Variants in TRAPPC3 observed in about 807,000 individuals in gnomAD.
TRAPPC3 encodes the protein trafficking protein particle complex 3.
In TRAPPC3, 5 loss-of-function variants were observed where a neutral mutation model predicts 18.2. The ratio of observed to expected loss-of-function variants is 0.28; its 90% CI spans 0.14 to 0.58. The LOEUF is 0.58. Ranked by LOEUF, TRAPPC3 falls within the 20% of genes least tolerant of loss-of-function variation. The pLI is 0.91. For missense variants in TRAPPC3, 176 were observed against 225.9 expected (o/e 0.78, Z 1.41); for synonymous variants, 65 against 84.2 (o/e 0.77, Z 1.25).
At position 36,137,952 on chromosome 1, in the gene TRAPPC3, G is replaced by A; in HGVS notation, c.267C>T (p.Ile89=). Residue 89 remains isoleucine (I), a synonymous_variant, in exon 4 of 5, where the codon ATC becomes ATT. Transcript: ENST00000373166. The part of the protein sequence containing the change: ...AKVAFKMYLG[I]TPSITNWSPA... ...GGCTCCAATTAGTAATGCTTGGAGT[G>A]ATGCCCAAGTACATCTTGAACGCCA... The A allele has an allele frequency of 6.2e-7, 1 of 1,614,076 alleles. No homozygotes were observed. Among genetic ancestry groups the A allele is most frequent in the Non-Finnish European group, 8.5e-7 (1 of 1,179,986 alleles).
upstream of TRAPPC3, among the ~76,000 whole-genome samples, chr1:36,154,296 G>C (rs1184311369): frequency 1.3e-5 from 2 of 152,148 alleles, no homozygotes; most frequent in African/African-American, 2.4e-5. Flanking sequence ...AGCCACCACA[G>C]CCAGCCACTA....
At position 36,137,106 on chromosome 1, in the gene TRAPPC3, T is replaced by C. The variant is rs1321775915; in HGVS notation, c.*97A>G. On this transcript the variant is annotated 3_prime_UTR_variant, in exon 5 of 5. Coordinates refer to ENST00000373166, the MANE Select transcript of TRAPPC3 (RefSeq NM_014408.5). ...AGGTTATAAGAATATATAACATCCA[T>C]GTTCAAGAGTCACTGAGTTCTGGAG... The C allele has an allele frequency of 2.2e-6, 3 of 1,378,930 alleles. No individual in the cohort carries two copies. Among genetic ancestry groups the C allele is most frequent in the Admixed American group, 3.9e-5 (2 of 50,672 alleles). 85.4% of individuals were successfully genotyped at this position (1,378,930 alleles called of 1,614,324 possible).
chr1:36,143,002 C>T (rs1253804588), intron 1 of TRAPPC3, among the ~76,000 whole-genome samples: 1 of 151,930 alleles, frequency 6.6e-6, no homozygotes, highest in Non-Finnish European at 1.5e-5. Context: ...ACTGTACTCC[C>T]GCCTAGGTAG....
chr1:36,137,939 T>C lies in TRAPPC3; in HGVS notation c.280A>G (p.Thr94Ala). 1 of 1,614,146 alleles carries C rather than the reference T, an allele frequency of 6.2e-7. No individual in the cohort carries two copies. Among genetic ancestry groups the C allele is most frequent in the Non-Finnish European group, 8.5e-7 (1 of 1,180,020 alleles). ...TCATCACCAGCTGGGCTCCAATTAGTAATGCTTGGAGTGATGCCCAAGTAC... is the reference window on the plus strand; with the variant it reads ...TCATCACCAGCTGGGCTCCAATTAGCAATGCTTGGAGTGATGCCCAAGTAC... Reference protein sequence around the residue: ...KMYLGITPSITNWSPAGDEFS... With the variant: ...KMYLGITPSIANWSPAGDEFS... The change falls in exon 4 of 5, where the codon ACT (threonine) becomes GCT (alanine). Residue 94 changes from threonine (T) to alanine (A), a missense_variant. Transcript: ENST00000373166.
chr1:36,144,814 T>C (rs935290553), intron 1 of TRAPPC3, among the ~76,000 whole-genome samples: 2 of 152,330 alleles, frequency 1.3e-5, no homozygotes, highest in South Asian at 4.1e-4. Flanking sequence ...AGTAAGATAA[T>C]GGACTTGAAT....
intron 1 of TRAPPC3, among the ~76,000 whole-genome samples, chr1:36,145,483 C>T (rs1156937042): frequency 6.6e-6 from 1 of 152,166 alleles, no homozygotes; most frequent in Admixed American, 6.5e-5. Flanking sequence ...GTCATGGAGA[C>T]TCCAAGTGCT....
At chr1:36,139,889 G>T in intron 2 of TRAPPC3, 70 bp from the exon 3 acceptor site, 1 of 1,584,312 alleles carries the variant, frequency 6.3e-7, no homozygotes, top group Non-Finnish European at 8.6e-7. Flanking sequence ...AAGGTTGTTG[G>T]TGGTAAAGGG....
upstream of TRAPPC3, among the ~76,000 whole-genome samples, chr1:36,150,728 C>G (rs546238473): frequency 2.0e-5 from 3 of 152,356 alleles, no homozygotes; most frequent in South Asian, 6.2e-4. Flanking sequence ...CCCTCACTCT[C>G]CATCCTGTGT....
intron 1 of TRAPPC3, among the ~76,000 whole-genome samples, chr1:36,143,204 G>C (rs763856441): frequency 6.6e-6 from 1 of 151,030 alleles, no homozygotes; most frequent in Non-Finnish European, 1.5e-5. Flanking sequence ...AGGTGCTATG[G>C]AGAAAAATAA....
chr1:36,151,935 G>A (rs1390949298), upstream of TRAPPC3, among the ~76,000 whole-genome samples: 1 of 152,186 alleles, frequency 6.6e-6, no homozygotes, highest in African/African-American at 2.4e-5. Context: ...GCCACAGGGA[G>A]TGGGCCCTGG....
chr1:36,142,048 G>C (rs552442559), intron 1 of TRAPPC3, among the ~76,000 whole-genome samples: 1 of 150,002 alleles, frequency 6.7e-6, no homozygotes, highest in South Asian at 2.1e-4. Flanking sequence ...AAAAATCAAA[G>C]GTTTCCAAGC....
upstream of TRAPPC3, among the ~76,000 whole-genome samples, chr1:36,151,809 G>A (rs948454845): frequency 6.6e-6 from 1 of 152,134 alleles, no homozygotes; most frequent in Non-Finnish European, 1.5e-5. Context: ...GTTCCTATCA[G>A]GGGCTCTAGA....
Position 36,144,289 on chromosome 1 carries a change from C to CAAA in TRAPPC3, c.43-4126_43-4124dup, listed in dbSNP as rs58378686. Among the ~76,000 whole-genome samples, 21 of 57,476 alleles carry CAAA rather than the reference C, an allele frequency of 3.7e-4. 6 individuals are homozygous for CAAA. The East Asian group carries it at 4.2e-3, about 12-fold the overall frequency. 37.7% of individuals were successfully genotyped at this position (57,476 alleles called of 152,430 possible). A position where few individuals can be genotyped will look rare whatever the true frequency, so the allele number is the denominator to read the frequency against. On this transcript the variant is annotated intron_variant, in intron 1 of 4. Transcript: ENST00000373166. ...GGAGACAAGAGCGAAACCCTGTCTC[C>CAAA]AAAAAAAAAAAAAAAAAAAAGGGAG...
intron 3 of TRAPPC3, 158 bp downstream of exon 3, chr1:36,139,562 G>T: frequency 1.1e-6 from 1 of 887,172 alleles, no homozygotes; most frequent in Non-Finnish European, 1.7e-6. Flanking sequence ...AATAATCTAT[G>T]CTATTCCCTA....
intron 1 of TRAPPC3, among the ~76,000 whole-genome samples, chr1:36,146,640 A>C (rs1198271590): frequency 2.0e-5 from 3 of 151,908 alleles, no homozygotes; most frequent in African/African-American, 7.3e-5. Context: ...ATGCTAGAAC[A>C]ATGAACAAAC....
chr1:36,147,998 AAG>A (rs1644226092), intron 1 of TRAPPC3, among the ~76,000 whole-genome samples: 1 of 152,252 alleles, frequency 6.6e-6, no homozygotes, highest in African/African-American at 2.4e-5. Context: ...GAAAAGGAGA[AAG>A]AAACATTTAC....
intron 1 of TRAPPC3, among the ~76,000 whole-genome samples, chr1:36,142,877 T>C (rs537006592): frequency 1.3e-5 from 2 of 151,822 alleles, no homozygotes; most frequent in South Asian, 4.2e-4. Context: ...AAAAAAATTT[T>C]AAAAATCAGC....
chr1:36,146,229 C>T (rs1241953164), intron 1 of TRAPPC3, among the ~76,000 whole-genome samples: 3 of 151,742 alleles, frequency 2.0e-5, no homozygotes, highest in Admixed American at 2.0e-4. Context: ...CAGGTGTGCA[C>T]CACCACACCC....
At chr1:36,138,639 T>G (rs1003803058) in intron 3 of TRAPPC3, among the ~76,000 whole-genome samples, 1 of 152,242 alleles carries the variant, frequency 6.6e-6, no homozygotes, top group South Asian at 2.1e-4. Context: ...CACAACACTA[T>G]GCTAAACACT....
Sources: allele counts gnomAD v4.1 joint callset (sites outside exome capture counted in the v4.1 genomes callset), GRCh38; gene constraint gnomAD v4.1.1; transcripts MANE v1.5; gene names NCBI Gene and HGNC (gene_info 2026-07-23, HGNC 2026-07-21).